Variants in MOBP observed in about 807,000 individuals in gnomAD.
MOBP encodes the protein myelin-associated oligodendrocyte basic protein.
Under a neutral mutation model 15.0 loss-of-function variants are expected in MOBP, and 5 were observed. The observed-to-expected ratio is 0.33, with a 90% CI of 0.17 to 0.70. The LOEUF (loss-of-function observed/expected upper bound fraction) is 0.70. MOBP is among the 30% of genes least tolerant of loss of function. MOBP has a pLI of 0.67. For missense variants in MOBP, 188 were observed against 257.8 expected (o/e 0.73, Z 1.85); for synonymous variants, 88 against 99.0 (o/e 0.89, Z 0.66).
Position 39,493,302 on chromosome 3 carries a change from G to A in MOBP, c.-4-8764G>A, listed in dbSNP as rs148792884. Reference sequence around the variant, plus strand: ...TAGAGCTTAATGCCACCCCTAGGACGTGTAATGAAATGTGTATGTAATGAT... The same window carrying A: ...TAGAGCTTAATGCCACCCCTAGGACATGTAATGAAATGTGTATGTAATGAT... On this transcript the variant is annotated intron_variant, in intron 2 of 3. Coordinates refer to ENST00000684792, the MANE Select transcript of MOBP (RefSeq NM_001393704.1). 3.5e-3 allele frequency among the ~76,000 whole-genome samples: 527 copies of A among 152,232 alleles called. 1 individual carries two copies. The highest frequency in any genetic ancestry group is 0.014 in the Middle Eastern group (4 of 294).
intron 2 of MOBP, among the ~76,000 whole-genome samples, chr3:39,488,483 C>G (rs937744534): frequency 1.3e-5 from 2 of 152,116 alleles, no homozygotes; most frequent in African/African-American, 4.8e-5. Flanking sequence ...ATGTCCTGTT[C>G]ATTGTTAGGT....
intron 1 of MOBP, among the ~76,000 whole-genome samples, chr3:39,473,215 A>G (rs1412813790): frequency 6.6e-6 from 1 of 152,186 alleles, no homozygotes; most frequent in Non-Finnish European, 1.5e-5. Flanking sequence ...TTCGTTTTAA[A>G]AGGTACTTCT....
chr3:39,471,172 GGCTGGAGTGCAGTGCACCA>G (rs2042463958), intron 1 of MOBP, among the ~76,000 whole-genome samples: 1 of 149,482 alleles, frequency 6.7e-6, no homozygotes, highest in Non-Finnish European at 1.5e-5. Flanking sequence ...TCTGTCACTA[GGCTGGAGTGCAGTGCACCA>G]GCCTAGTGGC....
chr3:39,526,803 T>C (rs1291238035), downstream of MOBP: 1 of 113,198 alleles, frequency 8.8e-6, no homozygotes, highest in East Asian at 2.6e-4. Context: ...TGAGATGGAG[T>C]TTCACTCTTG....
intron 1 of MOBP, among the ~76,000 whole-genome samples, chr3:39,475,457 A>G (rs2042532564): frequency 6.6e-6 from 1 of 152,166 alleles, no homozygotes; most frequent in African/African-American, 2.4e-5. Context: ...TAATTTTAGC[A>G]TCCATTAGTC....
At chr3:39,471,432 GAA>G (rs1384844767) in intron 1 of MOBP, among the ~76,000 whole-genome samples, 2 of 152,120 alleles carry the variant, frequency 1.3e-5, no homozygotes, top group Non-Finnish European at 2.9e-5. Flanking sequence ...CCCAGCAAAA[GAA>G]AAGTCTTATA....
chr3:39,494,641 AGT>A (rs1329122451), intron 2 of MOBP, among the ~76,000 whole-genome samples: 3 of 152,188 alleles, frequency 2.0e-5, no homozygotes, highest in African/African-American at 4.8e-5. Flanking sequence ...AGATAAATAG[AGT>A]GTGTCTAAAA....
intron 1 of MOBP, among the ~76,000 whole-genome samples, chr3:39,479,795 T>A (rs991639718): frequency 6.7e-6 from 1 of 148,348 alleles, no homozygotes; most frequent in African/African-American, 2.6e-5. Flanking sequence ...GACAGTGAAT[T>A]AACTGGACAT....
At chr3:39,481,512 T>C (rs1768208) in intron 2 of MOBP, among the ~76,000 whole-genome samples, 114,918 of 152,102 alleles carry the variant, frequency 0.76, 44,844 homozygotes, top group African/African-American at 0.94. Flanking sequence ...CTCTACTTCC[T>C]ATTAGCACTT....
chr3:39,503,137 T>C (rs2043000590), downstream of MOBP: 7 of 455,070 alleles, frequency 1.5e-5, no homozygotes, highest in East Asian at 2.1e-4. Flanking sequence ...AATCTATCAA[T>C]TGAGATTATT....
chr3:39,516,847 G>A (rs1051067536), downstream of MOBP, among the ~76,000 whole-genome samples: 1 of 152,154 alleles, frequency 6.6e-6, no homozygotes, highest in African/African-American at 2.4e-5. Context: ...GATTCATGAG[G>A]AAATTTTGAT....
At chr3:39,519,465 T>C (rs1234542006), downstream of MOBP, among the ~76,000 whole-genome samples, 2 of 152,052 alleles carry the variant, frequency 1.3e-5, no homozygotes, top group South Asian at 2.1e-4. Flanking sequence ...GCTGATGCCT[T>C]GCTGACACTT....
At position 39,468,823 on chromosome 3, in the gene MOBP, T is replaced by TA. The variant is rs769912765; in HGVS notation, c.-89+1083_-89+1084insA. Among the ~76,000 whole-genome samples the TA allele has an allele frequency of 5.4e-4, 45 of 82,684 alleles. 7 individuals are homozygous for TA. Among genetic ancestry groups the TA allele is most frequent in the African/African-American group, 2.9e-3 (27 of 9,206 alleles). 54.2% of individuals were successfully genotyped at this position (82,684 alleles called of 152,430 possible). On this transcript the variant is annotated intron_variant, in intron 1 of 3. Coordinates refer to ENST00000684792, the MANE Select transcript of MOBP (RefSeq NM_001393704.1). ...ATATACATATGTGTGTGTATACATA[T>TA]TACATATGTGTGTATATATACATAT...
At chr3:39,499,047 C>T (rs556778074) in intron 2 of MOBP, among the ~76,000 whole-genome samples, 3 of 152,176 alleles carry the variant, frequency 2.0e-5, no homozygotes, top group African/African-American at 4.8e-5. Flanking sequence ...TTATTTGTGA[C>T]GGGTGCCTGA....
rs768524888 is a variant in MOBP at position 39,502,845 on chromosome 3, G to C, written c.517G>C (p.Gly173Arg). The change falls in exon 4 of 4, where the codon GGG (glycine) becomes CGG (arginine). Residue 173 changes from glycine (G) to arginine (R), a missense_variant. Gly to Arg is a moderately radical substitution (Grantham distance 125). Coordinates refer to ENST00000684792, the MANE Select transcript of MOBP (RefSeq NM_001393704.1). The surrounding 1 kb of genome is among the most constrained non-coding windows in gnomAD (Gnocchi z 6.3). Reference sequence around the variant, plus strand: ...CCTCAGAGGGCCAGGCGCCAGCCGTGGGGGGTCCCCCGTCAAAGCTTCTAG... The same window carrying C: ...CCTCAGAGGGCCAGGCGCCAGCCGTCGGGGGTCCCCCGTCAAAGCTTCTAG... ...SPLRGPGASRGGSPVKASRFW is the reference protein window; with the variant it reads ...SPLRGPGASRRGSPVKASRFW 5 of 1,480,316 alleles carry C rather than the reference G, an allele frequency of 3.4e-6. No individual in the cohort carries two copies. Among genetic ancestry groups the C allele is most frequent in the Admixed American group, 2.1e-5 (1 of 47,458 alleles). 91.7% of individuals were successfully genotyped at this position (1,480,316 alleles called of 1,614,324 possible).
chr3:39,468,747 T>C (rs1464459165), intron 1 of MOBP, among the ~76,000 whole-genome samples: 2 of 79,336 alleles, frequency 2.5e-5, no homozygotes, highest in African/African-American at 2.5e-4. Flanking sequence ...TGTGTGTATA[T>C]ATACATATAT....
At chr3:39,477,863 T>G (rs959982239) in intron 1 of MOBP, among the ~76,000 whole-genome samples, 4 of 151,800 alleles carry the variant, frequency 2.6e-5, no homozygotes, top group African/African-American at 9.7e-5. Context: ...AATTAAAAAT[T>G]TTAAAAATAG....
chr3:39,495,601 A>G (rs968661841), intron 2 of MOBP, among the ~76,000 whole-genome samples: 8 of 151,806 alleles, frequency 5.3e-5, no homozygotes, highest in Admixed American at 1.3e-4. Context: ...AAGAAAAAAA[A>G]AATTAGCTGG....
intron 1 of MOBP, among the ~76,000 whole-genome samples, chr3:39,479,600 G>A (rs9880261): frequency 0.019 from 2,894 of 152,038 alleles, 69 homozygotes; most frequent in African/African-American, 0.065. Flanking sequence ...TTTGAGAGCC[G>A]TAGAAAAGGA....
Sources: allele counts gnomAD v4.1 joint callset (sites outside exome capture counted in the v4.1 genomes callset), GRCh38; gene constraint gnomAD v4.1.1; non-coding constraint Gnocchi (gnomAD v3.1); transcripts MANE v1.5; gene names NCBI Gene and HGNC (gene_info 2026-07-23, HGNC 2026-07-21).